Variants in NBAS observed in about 807,000 individuals in gnomAD.
NBAS encodes NAG/BC035112 fusion.
In NBAS, 219 loss-of-function variants were observed where a neutral mutation model predicts 302.5. That is an observed-to-expected ratio of 0.72 (90% CI 0.65 to 0.81). The LOEUF is 0.81. NBAS is among the 30% of genes least tolerant of loss of function. The probability of loss-of-function intolerance (pLI) is 0.00; values close to 1 mark genes in which losing one functional copy is unlikely to be tolerated. For synonymous variants in NBAS, 1,118 were observed against 1,021.6 expected (o/e 1.09, Z -1.80); for missense variants, 2,932 against 2,841.6 (o/e 1.03, Z -0.72).
chr2:14,905,408 A>C, the NBAS span, among the ~76,000 whole-genome samples: 1 of 152,190 alleles, frequency 6.6e-6, no homozygotes, highest in South Asian at 2.1e-4. Flanking sequence ...TGGAACCATA[A>C]AACCAGAGCA....
chr2:15,254,199 T>C (rs565096026), intron 44 of NBAS, among the ~76,000 whole-genome samples: 79 of 152,034 alleles, frequency 5.2e-4, no homozygotes, highest in African/African-American at 1.7e-3. Context: ...CCAGAAGCAA[T>C]TGGGCACCCA....
chr2:14,794,350 A>T, the NBAS span, among the ~76,000 whole-genome samples: 1 of 152,202 alleles, frequency 6.6e-6, no homozygotes, highest in Admixed American at 6.5e-5. Flanking sequence ...ACTAAATTAC[A>T]AGTATACATC....
chr2:15,449,561 C>T (rs1316883650), intron 21 of NBAS, among the ~76,000 whole-genome samples: 1 of 151,054 alleles, frequency 6.6e-6, no homozygotes, highest in South Asian at 2.1e-4. Context: ...CTGACTTACA[C>T]CTTCTTAATC....
chr2:14,914,560 AG>A, the NBAS span, among the ~76,000 whole-genome samples: 6 of 152,218 alleles, frequency 3.9e-5, no homozygotes, highest in Non-Finnish European at 8.8e-5. Context: ...GTATTTAGCT[AG>A]GGGACATTAT....
chr2:15,313,926 A>C (rs1215316577), intron 38 of NBAS, among the ~76,000 whole-genome samples: 1 of 152,218 alleles, frequency 6.6e-6, no homozygotes, highest in African/African-American at 2.4e-5. Context: ...TCAGACATTA[A>C]CCACACGTCA....
At chr2:15,126,591 C>A in the NBAS span, among the ~76,000 whole-genome samples, 2 of 152,288 alleles carry the variant, frequency 1.3e-5, no homozygotes, top group African/African-American at 2.4e-5. Flanking sequence ...TACTGATACT[C>A]CACACTCCCT....
At position 15,218,789 on chromosome 2, in the gene NBAS, G is replaced by A. The variant is rs759406396; in HGVS notation, c.6416C>T (p.Ser2139Phe). Residue 2139 changes from serine (S) to phenylalanine (F), a missense_variant, in exon 48 of 52, where the codon TCC becomes TTC. By Grantham distance (155) the Ser-to-Phe change is radical. Coordinates refer to ENST00000281513, the MANE Select transcript of NBAS (RefSeq NM_015909.4). ...CTCCCTTACCTGTCTCTGGGGCCAG[G>A]AGGCTTTGAGAATGGCTTCAGTTCT... ...FFRTEAILKA[S>F]WPQRQVDIAD... 8 of 1,614,124 alleles carry A rather than the reference G, an allele frequency of 5.0e-6. No homozygotes were observed. The South Asian group carries it at 5.5e-5, about 11-fold the overall frequency.
intron 23 of NBAS, among the ~76,000 whole-genome samples, chr2:15,419,696 TG>T (rs1677117438): frequency 6.6e-6 from 1 of 151,982 alleles, no homozygotes; most frequent in African/African-American, 2.4e-5. Context: ...CCAAAGTACA[TG>T]TACTTGGTTG....
chr2:15,034,006 GAAGAAGAAGAA>G, the NBAS span, among the ~76,000 whole-genome samples: 4 of 46,552 alleles, frequency 8.6e-5, no homozygotes, highest in African/African-American at 4.7e-4. Flanking sequence ...AGAAGAAGAA[GAAGAAGAAGAA>G]GAAGAAGAAG....
At chr2:15,375,591 G>GT (rs1192085860) in intron 30 of NBAS, among the ~76,000 whole-genome samples, 2 of 152,166 alleles carry the variant, frequency 1.3e-5, no homozygotes, top group African/African-American at 2.4e-5. Context: ...TGATTCAAGT[G>GT]TGAAAGGTCT....
At chr2:14,913,923 T>G in the NBAS span, among the ~76,000 whole-genome samples, 2 of 152,188 alleles carry the variant, frequency 1.3e-5, no homozygotes, top group South Asian at 2.1e-4. Context: ...ATTAGTGTGT[T>G]TTCACACTGT....
chr2:14,874,731 C>T, the NBAS span, among the ~76,000 whole-genome samples: 1 of 151,064 alleles, frequency 6.6e-6, no homozygotes, highest in African/African-American at 2.4e-5. Flanking sequence ...TTTACATCTC[C>T]AAGCATAGAT....
At chr2:15,548,732 G>A (rs978418401) in intron 6 of NBAS, among the ~76,000 whole-genome samples, 1 of 151,754 alleles carries the variant, frequency 6.6e-6, no homozygotes, top group Admixed American at 6.6e-5. Context: ...TGGGAAACAT[G>A]AAGATGTACA....
rs898714614 is a variant in NBAS at position 15,528,905 on chromosome 2, A to G, written c.746+5638T>C. Reference sequence around the variant, plus strand: ...TATATATATATATATATATGTGTGTATATATATATACACACACACATATAT... The same window carrying G: ...TATATATATATATATATATGTGTGTGTATATATATACACACACACATATAT... On this transcript the variant is annotated intron_variant, in intron 9 of 51. Transcript: ENST00000281513. 4.1e-5 allele frequency among the ~76,000 whole-genome samples: 6 copies of G among 145,462 alleles called. No individual in the cohort carries two copies. The East Asian group carries it at 1.1e-3, about 27-fold the overall frequency.
At chr2:14,919,858 C>T in the NBAS span, among the ~76,000 whole-genome samples, 1 of 152,160 alleles carries the variant, frequency 6.6e-6, no homozygotes, top group Non-Finnish European at 1.5e-5. Flanking sequence ...TATCTGCATT[C>T]GCTTCCTCAT....
At chr2:15,500,072 A>G (rs1166406362) in intron 11 of NBAS, among the ~76,000 whole-genome samples, 1 of 152,220 alleles carries the variant, frequency 6.6e-6, no homozygotes, top group African/African-American at 2.4e-5. Flanking sequence ...CATTGCAGTA[A>G]AACTTCCTAA....
the NBAS span, among the ~76,000 whole-genome samples, chr2:15,034,167 GGAA>G: frequency 1.7e-5 from 2 of 118,202 alleles, no homozygotes; most frequent in South Asian, 3.0e-4. Flanking sequence ...AGGAGGTGGA[GGAA>G]GAAGAAGAAT....
downstream of NBAS, chr2:15,166,821 G>T: frequency 2.1e-6 from 1 of 483,556 alleles, no homozygotes; most frequent in Non-Finnish European, 3.5e-6. Flanking sequence ...TAAAAAAGGA[G>T]GGTGGGAAGG....
At chr2:15,213,555 A>T (rs1376365723) in intron 48 of NBAS, among the ~76,000 whole-genome samples, 1 of 152,212 alleles carries the variant, frequency 6.6e-6, no homozygotes, top group Non-Finnish European at 1.5e-5. Flanking sequence ...TTCCCTGGAA[A>T]ATAGGAAGAA....
Sources: gnomAD v4.1 joint callset for allele counts (sites outside exome capture counted in the v4.1 genomes callset) on GRCh38, gnomAD v4.1.1 for gene constraint, MANE v1.5 for transcripts, NCBI Gene and HGNC (gene_info 2026-07-23, HGNC 2026-07-21) for gene names.